Variants in SH3BGRL observed in about 807,000 individuals in gnomAD.
SH3BGRL encodes the protein adapter SH3BGRL.
In SH3BGRL, 7 loss-of-function variants were observed where a neutral mutation model predicts 9.8. The observed-to-expected ratio is 0.72, with a 90% CI of 0.41 to 1.35. The LOEUF (loss-of-function observed/expected upper bound fraction) is 1.35. Among genes scored for constraint, SH3BGRL ranks in the 40% most tolerant of loss-of-function variants. SH3BGRL has a pLI of 0.01. For synonymous variants in SH3BGRL, 36 were observed against 29.1 expected (o/e 1.24, Z -0.76); for missense variants, 73 against 84.4 (o/e 0.86, Z 0.53).
At chrX:81,275,778 C>A (rs1456562795) in intron 1 of SH3BGRL, among the ~76,000 whole-genome samples, 1 of 112,015 alleles carries the variant, frequency 8.9e-6, no homozygotes, top group Non-Finnish European at 1.9e-5. Context: ...TGAAAACTTT[C>A]CGTTTCTTTT....
intron 1 of SH3BGRL, among the ~76,000 whole-genome samples, chrX:81,273,271 C>G (rs1268171911): frequency 8.9e-6 from 1 of 112,701 alleles, no homozygotes; most frequent in Non-Finnish European, 1.9e-5. Flanking sequence ...AATGCTTGTT[C>G]TCTCTTCTCT....
At chrX:81,256,417 T>C (rs770191903) in intron 1 of SH3BGRL, among the ~76,000 whole-genome samples, 1 of 112,253 alleles carries the variant, frequency 8.9e-6, no homozygotes, top group Non-Finnish European at 1.9e-5. Context: ...TCTCTTACTT[T>C]AGAAGCTCCT....
In SH3BGRL at chrX:81,225,605, A is replaced by G. The variant is rs747669737; in HGVS notation, c.45+23360A>G. 3.6e-5 allele frequency among the ~76,000 whole-genome samples: 4 copies of G among 111,668 alleles called. No homozygotes were observed. The East Asian group carries it at 8.5e-4, about 24-fold the overall frequency. ...ATGATTTCATTCTTTTTTGTGGCTA[A>G]GTAGTATTCCATGGTGTATATTTTT... On this transcript the variant is annotated intron_variant, in intron 1 of 3. Coordinates refer to ENST00000373212, the MANE Select transcript of SH3BGRL (RefSeq NM_003022.3).
chrX:81,224,379 G>A (rs772536782), intron 1 of SH3BGRL, among the ~76,000 whole-genome samples: 6 of 111,462 alleles, frequency 5.4e-5, no homozygotes, highest in Non-Finnish European at 9.4e-5. Flanking sequence ...AGAAAGAAAT[G>A]ACCTTAACTC....
At chrX:81,203,019 G>T (rs2075534723) in intron 1 of SH3BGRL, among the ~76,000 whole-genome samples, 1 of 111,889 alleles carries the variant, frequency 8.9e-6, no homozygotes, top group Non-Finnish European at 1.9e-5. Flanking sequence ...CTGAGTTGCT[G>T]CTGCTTCAAA....
intron 1 of SH3BGRL, among the ~76,000 whole-genome samples, chrX:81,254,456 T>C (rs1459711892): frequency 8.9e-6 from 1 of 112,124 alleles, no homozygotes; most frequent in Admixed American, 9.5e-5. Context: ...TAAATTTGTT[T>C]TGGTGGGTAA....
intron 1 of SH3BGRL, among the ~76,000 whole-genome samples, chrX:81,241,826 T>C (rs1398925869): frequency 8.9e-6 from 1 of 112,219 alleles, no homozygotes; most frequent in Non-Finnish European, 1.9e-5. Flanking sequence ...TTGCTTGCAG[T>C]GGAAGGCACG....
chrX:81,297,189 T>C lies in SH3BGRL; in HGVS notation c.313-6T>C. ...ACTTATCTGTTTTGTTTGTTTTTCA[T>C]TTCAGGAAGCAGAAGTGCAAGCAAA... On this transcript the variant is annotated splice_polypyrimidine_tract_variant and splice_region_variant and intron_variant, in intron 3 of 3. Coordinates refer to ENST00000373212, the MANE Select transcript of SH3BGRL (RefSeq NM_003022.3). 8.3e-7 allele frequency: 1 copy of C among 1,207,130 alleles called. No individual in the cohort carries two copies. The highest frequency in any genetic ancestry group is 1.1e-6 in the Non-Finnish European group (1 of 891,990).
At chrX:81,209,002 GTTTTTT>G (rs11322797) in intron 1 of SH3BGRL, among the ~76,000 whole-genome samples, 3 of 54,626 alleles carry the variant, frequency 5.5e-5, no homozygotes, top group African/African-American at 1.9e-4. Flanking sequence ...GCATAACTAA[GTTTTTT>G]TTTTTTTTTT....
intron 1 of SH3BGRL, among the ~76,000 whole-genome samples, chrX:81,266,365 T>C (rs977875867): frequency 4.5e-5 from 5 of 111,887 alleles, no homozygotes; most frequent in Non-Finnish European, 9.4e-5. Context: ...CATCTTGAGT[T>C]GATTTTTGTA....
chrX:81,225,042 C>T (rs183143461), intron 1 of SH3BGRL, among the ~76,000 whole-genome samples: 1 of 111,035 alleles, frequency 9.0e-6, no homozygotes, highest in Non-Finnish European at 1.9e-5. Flanking sequence ...ATGGCTTTCT[C>T]ATAAAAACTC....
intron 1 of SH3BGRL, among the ~76,000 whole-genome samples, chrX:81,206,436 G>T (rs1262500849): frequency 1.8e-5 from 2 of 111,772 alleles, no homozygotes; most frequent in Non-Finnish European, 3.8e-5. Flanking sequence ...AGGAAATACA[G>T]TATACAGGTT....
At chrX:81,210,852 A>G (rs757914604) in intron 1 of SH3BGRL, among the ~76,000 whole-genome samples, 8 of 112,396 alleles carry the variant, frequency 7.1e-5, no homozygotes, top group Non-Finnish European at 1.5e-4. Context: ...AATACTAAGG[A>G]TAATTCTGGT....
At chrX:81,267,537 T>A (rs1247686897) in intron 1 of SH3BGRL, among the ~76,000 whole-genome samples, 2 of 111,933 alleles carry the variant, frequency 1.8e-5, no homozygotes, top group Non-Finnish European at 3.8e-5. Context: ...TGAACCAGCC[T>A]TGCCTCCCAG....
intron 3 of SH3BGRL, among the ~76,000 whole-genome samples, chrX:81,283,598 GC>G (rs1473239369): frequency 1.8e-5 from 2 of 111,596 alleles, no homozygotes; most frequent in African/African-American, 6.5e-5. Context: ...TGCAGAAAAA[GC>G]ATTCAACAAA....
intron 3 of SH3BGRL, among the ~76,000 whole-genome samples, chrX:81,290,017 T>C (rs1465786241): frequency 1.8e-5 from 2 of 111,984 alleles, no homozygotes; most frequent in Admixed American, 1.9e-4. Flanking sequence ...AAATAAAAAC[T>C]ACAATGAGAT....
intron 1 of SH3BGRL, among the ~76,000 whole-genome samples, chrX:81,222,572 T>C (rs1038450709): frequency 5.4e-5 from 6 of 111,040 alleles, no homozygotes; most frequent in Non-Finnish European, 1.1e-4. Context: ...CAGTCTATCA[T>C]TGTTAGACAT....
At chrX:81,226,014 T>C (rs1349733279) in intron 1 of SH3BGRL, among the ~76,000 whole-genome samples, 1 of 111,468 alleles carries the variant, frequency 9.0e-6, no homozygotes, top group African/African-American at 3.3e-5. Flanking sequence ...AATAGATCTC[T>C]TAAAGTTATT....
chrX:81,272,776 G>A (rs2041288776), intron 1 of SH3BGRL, among the ~76,000 whole-genome samples: 1 of 111,362 alleles, frequency 9.0e-6, no homozygotes, highest in African/African-American at 3.3e-5. Context: ...TGGGATTACA[G>A]GCGTGAGCCA....
Sources: gnomAD v4.1 joint callset for allele counts (sites outside exome capture counted in the v4.1 genomes callset) on GRCh38, gnomAD v4.1.1 for gene constraint, MANE v1.5 for transcripts, NCBI Gene and HGNC (gene_info 2026-07-23, HGNC 2026-07-21) for gene names.